RHBDD1: variants seen among roughly 807,000 people sequenced by gnomAD.
The protein encoded by RHBDD1 is rhomboid-related protein 4.
RHBDD1 carries 38 observed loss-of-function variants against 36.3 expected under a neutral mutation model. The ratio of observed to expected loss-of-function variants is 1.05; its 90% CI spans 0.81 to 1.37. The LOEUF is 1.37. Among genes scored for constraint, RHBDD1 ranks in the 40% most tolerant of loss-of-function variants. RHBDD1 has a pLI of 0.00. For missense variants in RHBDD1, 393 were observed against 377.6 expected (o/e 1.04, Z -0.34); for synonymous variants, 151 against 136.5 (o/e 1.11, Z -0.74).
At chr2:226,918,018 A>G (rs1949035224) in intron 8 of RHBDD1, among the ~76,000 whole-genome samples, 1 of 152,076 alleles carries the variant, frequency 6.6e-6, no homozygotes, top group Non-Finnish European at 1.5e-5. Context: ...ATCAGCATGT[A>G]AACTCATGCA....
At chr2:226,944,080 A>G (rs758259333) in intron 8 of RHBDD1, among the ~76,000 whole-genome samples, 1 of 151,958 alleles carries the variant, frequency 6.6e-6, no homozygotes, top group Non-Finnish European at 1.5e-5. Context: ...GACAGGGGGA[A>G]GTGAAAGACC....
the RHBDD1 span, among the ~76,000 whole-genome samples, chr2:226,827,984 T>A: frequency 6.6e-6 from 1 of 152,208 alleles, no homozygotes; most frequent in Non-Finnish European, 1.5e-5. Flanking sequence ...AGCAAAAAAT[T>A]CGTGCATTAT....
rs139208467 is a variant in RHBDD1, at chr2:226,883,419, G to A, written c.566+16101G>A. 4.6e-4 allele frequency among the ~76,000 whole-genome samples: 70 copies of A among 152,332 alleles called. No homozygotes were observed. The East Asian group carries it at 7.7e-3, about 17-fold the overall frequency. The stretch of plus-strand genomic sequence containing the variant: ...AGGGGGCCAGCCATGGAGGACTCCT[G>A]CTGTCTATACATTAGTCAGACCTTG... On this transcript the variant is annotated intron_variant, in intron 5 of 8. Coordinates refer to ENST00000392062, the MANE Select transcript of RHBDD1 (RefSeq NM_001167608.3).
At chr2:226,905,030 C>T (rs1947929591) in intron 5 of RHBDD1, among the ~76,000 whole-genome samples, 1 of 152,110 alleles carries the variant, frequency 6.6e-6, no homozygotes, top group South Asian at 2.1e-4. Context: ...GTTTGGAATA[C>T]ATATGTAAAA....
intron 8 of RHBDD1, among the ~76,000 whole-genome samples, chr2:226,980,175 A>G (rs1363104101): frequency 6.6e-6 from 1 of 152,180 alleles, no homozygotes; most frequent in Non-Finnish European, 1.5e-5. Flanking sequence ...CTCAGAACAC[A>G]CCCATGAGCT....
chr2:226,827,493 C>T, the RHBDD1 span, among the ~76,000 whole-genome samples: 3 of 152,144 alleles, frequency 2.0e-5, no homozygotes, highest in Non-Finnish European at 4.4e-5. Flanking sequence ...ACATACATTA[C>T]CATAATGATT....
At chr2:226,990,234 A>C (rs1262986835) in intron 8 of RHBDD1, among the ~76,000 whole-genome samples, 1 of 152,180 alleles carries the variant, frequency 6.6e-6, no homozygotes, top group Non-Finnish European at 1.5e-5. Flanking sequence ...TAAATGACTT[A>C]ACAACCATCC....
At chr2:226,914,016 T>C (rs1301492826) in intron 7 of RHBDD1, among the ~76,000 whole-genome samples, 192 bp from the exon 8 acceptor site, 5 of 152,228 alleles carry the variant, frequency 3.3e-5, no homozygotes, top group Non-Finnish European at 7.4e-5. Flanking sequence ...CTCATTCATG[T>C]TCAGCCCCAT....
chr2:226,817,603 C>G, the RHBDD1 span, among the ~76,000 whole-genome samples: 1 of 152,108 alleles, frequency 6.6e-6, no homozygotes, highest in African/African-American at 2.4e-5. Flanking sequence ...TCTGAATCAC[C>G]CAACCAAGCA....
chr2:226,824,326 T>C, the RHBDD1 span, among the ~76,000 whole-genome samples: 1 of 152,138 alleles, frequency 6.6e-6, no homozygotes, highest in Non-Finnish European at 1.5e-5. Flanking sequence ...TTAAAACTTG[T>C]AGGATTGGAC....
At chr2:226,982,914 T>G (rs7605032) in intron 8 of RHBDD1, among the ~76,000 whole-genome samples, 65,718 of 152,008 alleles carry the variant, frequency 0.43, 14,302 homozygotes, top group South Asian at 0.52. Flanking sequence ...CTAACGATTG[T>G]ATTTGTTGTG....
chr2:226,804,740 T>C, the RHBDD1 span: 1 of 152,220 alleles, frequency 6.6e-6, no homozygotes, highest in Non-Finnish European at 1.5e-5. Flanking sequence ...TGGATGAGGT[T>C]GGAAGAAAGG....
chr2:226,806,151 A>G, the RHBDD1 span, among the ~76,000 whole-genome samples: 1 of 152,064 alleles, frequency 6.6e-6, no homozygotes, highest in Non-Finnish European at 1.5e-5. Context: ...AAAGAAAAAA[A>G]AAACTGACTA....
chr2:226,924,287 G>T (rs1187588744), intron 8 of RHBDD1, among the ~76,000 whole-genome samples: 2 of 152,154 alleles, frequency 1.3e-5, no homozygotes, highest in East Asian at 1.9e-4. Context: ...TCTGGCCAGG[G>T]TGCGTCTAGA....
Position 226,864,814 on chromosome 2 carries a change from T to C in RHBDD1, c.121T>C (p.Phe41Leu). Residue 41 changes from phenylalanine to leucine, a missense_variant, in exon 4 of 9, where the codon TTC becomes CTC. Physicochemically the swap from Phe to Leu is conservative, Grantham distance 22. Coordinates refer to ENST00000392062, the MANE Select transcript of RHBDD1 (RefSeq NM_001167608.3). ...AGCAACTTTGGCCCTCAACATCTGG[T>C]TCTTCTTGAACCCTCAGAAGCCACT... ...TLATLALNIW[F>L]FLNPQKPLYS... The C allele has an allele frequency of 1.9e-6, 3 of 1,614,208 alleles. No individual in the cohort carries two copies. The highest frequency in any genetic ancestry group is 2.5e-6 in the Non-Finnish European group (3 of 1,180,032).
intron 8 of RHBDD1, among the ~76,000 whole-genome samples, chr2:226,989,954 A>C (rs1476157820): frequency 6.6e-6 from 1 of 152,212 alleles, no homozygotes; most frequent in Non-Finnish European, 1.5e-5. Context: ...CCACTGTTGC[A>C]GTCTTGATTG....
intron 8 of RHBDD1, among the ~76,000 whole-genome samples, chr2:226,934,850 G>C (rs1434701468): frequency 7.2e-6 from 1 of 138,198 alleles, no homozygotes; most frequent in Non-Finnish European, 1.5e-5. Flanking sequence ...CATAATTTAT[G>C]CCTTTTTCTT....
intron 8 of RHBDD1, among the ~76,000 whole-genome samples, chr2:226,948,027 G>C (rs1951114806): frequency 6.6e-6 from 1 of 152,092 alleles, no homozygotes; most frequent in African/African-American, 2.4e-5. Flanking sequence ...CAGGGATCTA[G>C]AACTAGAAAT....
upstream of RHBDD1, among the ~76,000 whole-genome samples, chr2:226,831,601 G>T (rs57132530): frequency 6.6e-6 from 1 of 151,902 alleles, no homozygotes. Context: ...CTCTCTTCCA[G>T]GTTTCAGAGG....
Sources: gnomAD v4.1 joint callset for allele counts (sites outside exome capture counted in the v4.1 genomes callset) on GRCh38, gnomAD v4.1.1 for gene constraint, MANE v1.5 for transcripts, NCBI Gene and HGNC (gene_info 2026-07-23, HGNC 2026-07-21) for gene names.